Variants in CEP128 observed in about 807,000 individuals in gnomAD.
CEP128 encodes centrosomal protein 128, also known as centrosomal protein 128kDa.
CEP128 carries 132 observed loss-of-function variants against 156.7 expected under a neutral mutation model. That is an observed-to-expected ratio of 0.84 (90% CI 0.73 to 0.97). The LOEUF (loss-of-function observed/expected upper bound fraction) is 0.97. CEP128 is among the 50% of genes least tolerant of loss of function. The pLI is 0.00. For synonymous variants in CEP128, 469 were observed against 448.9 expected, an observed-to-expected ratio of 1.04 and a Z score of -0.57; for missense variants, 1,252 against 1,281.9, an observed-to-expected ratio of 0.98 and a Z score of 0.36.
intron 13 of CEP128, among the ~76,000 whole-genome samples, chr14:80,818,115 G>A (rs1211885215): frequency 2.0e-5 from 3 of 152,114 alleles, no homozygotes; most frequent in Non-Finnish European, 2.9e-5. Flanking sequence ...AACCTCTTGG[G>A]CTCAAGTGAT....
intron 17 of CEP128, among the ~76,000 whole-genome samples, chr14:80,758,310 T>C (rs1899772565): frequency 6.6e-6 from 1 of 152,080 alleles, no homozygotes; most frequent in Non-Finnish European, 1.5e-5. Flanking sequence ...TCACCTGAGG[T>C]CAGGAGTACA....
At chr14:80,506,262 C>A (rs1294156402) in intron 23 of CEP128, among the ~76,000 whole-genome samples, 1 of 150,816 alleles carries the variant, frequency 6.6e-6, no homozygotes, top group Non-Finnish European at 1.5e-5. Flanking sequence ...AGGAAGACCC[C>A]ACAGCTTAGG....
chr14:80,739,200 A>G (rs1460054522), intron 19 of CEP128, among the ~76,000 whole-genome samples: 1 of 152,144 alleles, frequency 6.6e-6, no homozygotes, highest in Admixed American at 6.6e-5. Context: ...TAGACTATGT[A>G]TATGTTCATC....
In CEP128 at chr14:80,879,238, C is replaced by T. The variant is rs137903302; in HGVS notation, c.646-16365G>A. 3.1e-4 allele frequency among the ~76,000 whole-genome samples: 47 copies of T among 152,062 alleles called. No individual in the cohort carries two copies. The East Asian group carries it at 8.5e-3, about 28-fold the overall frequency. On this transcript the variant is annotated intron_variant, in intron 8 of 24. Coordinates refer to ENST00000555265, the MANE Select transcript of CEP128 (RefSeq NM_152446.5). ...CTCTGTGAAGTTTGGAAGGAGTGACCGTACCACCAGATAGGCAGAAATTAA... is the reference window on the plus strand; with the variant it reads ...CTCTGTGAAGTTTGGAAGGAGTGACTGTACCACCAGATAGGCAGAAATTAA...
chr14:80,698,512 A>C (rs959924804), intron 19 of CEP128, among the ~76,000 whole-genome samples: 9 of 152,200 alleles, frequency 5.9e-5, no homozygotes, highest in African/African-American at 1.7e-4. Context: ...AAAGAAGTTA[A>C]CTTACCCTAT....
intron 19 of CEP128, among the ~76,000 whole-genome samples, chr14:80,683,401 TCCA>T (rs1896399768): frequency 6.6e-6 from 1 of 151,660 alleles, no homozygotes; most frequent in African/African-American, 2.4e-5. Context: ...AAGGGCTCCA[TCCA>T]ACAAGAAGAC....
intron 19 of CEP128, among the ~76,000 whole-genome samples, chr14:80,678,058 A>ATATGTATATG: frequency 1.3e-5 from 1 of 75,060 alleles, no homozygotes; most frequent in East Asian, 2.6e-4. Flanking sequence ...AAATATATAT[A>ATATGTATATG]TATATGTATA....
intron 13 of CEP128, among the ~76,000 whole-genome samples, chr14:80,802,567 T>TA (rs941167426): frequency 2.7e-5 from 4 of 150,246 alleles, no homozygotes; most frequent in African/African-American, 4.9e-5. Flanking sequence ...GGAGGGAACT[T>TA]AGAGTATGAG....
At chr14:80,602,773 A>G (rs892829475) in intron 19 of CEP128, among the ~76,000 whole-genome samples, 1 of 152,156 alleles carries the variant, frequency 6.6e-6, no homozygotes, top group Non-Finnish European at 1.5e-5. Context: ...CTCCGTCTCA[A>G]AAAATAAAAA....
chr14:80,773,189 A>G (rs1900607916), intron 16 of CEP128, among the ~76,000 whole-genome samples: 3 of 152,234 alleles, frequency 2.0e-5, no homozygotes, highest in Non-Finnish European at 4.4e-5. Flanking sequence ...ATTCTTGTAT[A>G]TATAAAATGA....
At chr14:80,624,108 C>A (rs900698530) in intron 19 of CEP128, among the ~76,000 whole-genome samples, 1 of 152,112 alleles carries the variant, frequency 6.6e-6, no homozygotes, top group Non-Finnish European at 1.5e-5. Context: ...ACCTCATAAC[C>A]ACTATTCTAC....
chr14:80,804,652 T>C (rs752979891), intron 13 of CEP128, among the ~76,000 whole-genome samples: 8 of 152,074 alleles, frequency 5.3e-5, no homozygotes, highest in Admixed American at 1.3e-4. Flanking sequence ...TAAAAACATA[T>C]ATATACATAT....
intron 15 of CEP128, 68 bp downstream of exon 15, chr14:80,784,827 G>A (rs1452877673): frequency 2.3e-5 from 29 of 1,285,832 alleles, no homozygotes; most frequent in African/African-American, 1.8e-4. Context: ...AAAAGTTTAC[G>A]CTTTATTAAC....
At chr14:80,850,136 A>T (rs556068794) in intron 9 of CEP128, among the ~76,000 whole-genome samples, 1 of 152,272 alleles carries the variant, frequency 6.6e-6, no homozygotes, top group South Asian at 2.1e-4. Flanking sequence ...AGGCAAAGAA[A>T]TGACAGTTTT....
intron 13 of CEP128, among the ~76,000 whole-genome samples, chr14:80,819,269 T>C (rs1885035816): frequency 2.4e-5 from 3 of 124,782 alleles, no homozygotes; most frequent in East Asian, 2.5e-4. Context: ...TTTTTTGAGA[T>C]GGAGTCTCAC....
At position 80,868,214 on chromosome 14, in the gene CEP128, T is replaced by C. The variant is rs541364969; in HGVS notation, c.646-5341A>G. On this transcript the variant is annotated intron_variant, in intron 8 of 24. Transcript: ENST00000555265. ...GAAAGCATAAAATTCACTGTAAAAG[T>C]ATGAATATACTCAAATTATAATACT... is the stretch of plus-strand genomic sequence containing the variant. 2.6e-5 allele frequency among the ~76,000 whole-genome samples: 4 copies of C among 152,284 alleles called. No individual in the cohort carries two copies. In the South Asian group the frequency reaches 8.3e-4, roughly 32 times the overall value.
At chr14:80,794,809 G>C (rs115332952) in intron 13 of CEP128, among the ~76,000 whole-genome samples, 1 of 151,942 alleles carries the variant, frequency 6.6e-6, no homozygotes, top group South Asian at 2.1e-4. Flanking sequence ...ACCTAAAGGG[G>C]TCTATAGACT....
intron 2 of CEP128, chr14:80,955,887 A>T: frequency 6.2e-7 from 1 of 1,613,820 alleles, no homozygotes; most frequent in Non-Finnish European, 8.5e-7. Context: ...GGACCCAGAG[A>T]TCAAGGGCAT....
intron 24 of CEP128, 146 bp downstream of exon 24, chr14:80,504,766 T>G (rs1056585745): frequency 8.7e-6 from 3 of 344,070 alleles, no homozygotes; most frequent in African/African-American, 6.4e-5. Context: ...CTATTATGAA[T>G]ATCCTTGAAC....
Sources: gnomAD v4.1 joint callset for allele counts (sites outside exome capture counted in the v4.1 genomes callset) on GRCh38, gnomAD v4.1.1 for gene constraint, MANE v1.5 for transcripts, NCBI Gene and HGNC (gene_info 2026-07-23, HGNC 2026-07-21) for gene names.